The following MYOM1 variants were observed in gnomAD, a reference collection of about 807,000 sequenced individuals.
The protein encoded by MYOM1 is myomesin-1.
In MYOM1, 164 loss-of-function variants were observed where a neutral mutation model predicts 205.3. The observed-to-expected ratio is 0.80, with a 90% CI of 0.70 to 0.91. The LOEUF (loss-of-function observed/expected upper bound fraction) is 0.91, where lower values mean the gene tolerates loss of function less well. Among genes scored for constraint, MYOM1 ranks in the 40% least tolerant of loss-of-function variants. MYOM1 has a pLI of 0.00. For missense variants in MYOM1, 2,011 were observed against 2,127.3 expected (o/e 0.95, Z 1.08); for synonymous variants, 772 against 789.4 (o/e 0.98, Z 0.37).
intron 12 of MYOM1, among the ~76,000 whole-genome samples, chr18:3,151,416 A>G (rs369543949): frequency 2.4e-4 from 36 of 151,500 alleles, no homozygotes; most frequent in African/African-American, 8.7e-4. Flanking sequence ...CAGTTTAACA[A>G]CATAAATGTT....
intron 22 of MYOM1, among the ~76,000 whole-genome samples, chr18:3,111,258 A>G (rs962940759): frequency 2.7e-5 from 4 of 150,764 alleles, no homozygotes; most frequent in Non-Finnish European, 5.9e-5. Flanking sequence ...GCTTTCCTTT[A>G]TGTAACTTTA....
At chr18:3,160,164 C>T (rs1427028776) in intron 10 of MYOM1, among the ~76,000 whole-genome samples, 1 of 149,730 alleles carries the variant, frequency 6.7e-6, no homozygotes, top group Non-Finnish European at 1.5e-5. Context: ...CCCTTCCTTT[C>T]CTTTTCTTCT....
rs998694711 is a variant in MYOM1 at position 3,143,313 on chromosome 18, G to A, written c.1901-1250C>T. ...ATTTCAAGAATGAAGGTAAAATAGA[G>A]GATTTTTTTTACATAACAAAAGATA... On this transcript the variant is annotated intron_variant, in intron 13 of 37. Coordinates refer to ENST00000356443, the MANE Select transcript of MYOM1 (RefSeq NM_003803.4). Among the ~76,000 whole-genome samples the A allele has an allele frequency of 5.3e-5, 8 of 151,878 alleles. No individual in the cohort carries two copies. In the South Asian group the frequency reaches 1.7e-3, roughly 32 times the overall value.
At chr18:3,215,522 G>C (rs191084565) in intron 1 of MYOM1, among the ~76,000 whole-genome samples, 91 of 152,264 alleles carry the variant, frequency 6.0e-4, no homozygotes, top group Non-Finnish European at 1.0e-3. Context: ...AGGATTGCTT[G>C]AGCCCAAGAC....
upstream of MYOM1, among the ~76,000 whole-genome samples, chr18:3,223,947 T>A (rs558221779): frequency 6.6e-6 from 1 of 152,126 alleles, no homozygotes. Flanking sequence ...GAGTGGGGCC[T>A]AGGACTCTTA....
chr18:3,089,151 T>C lies in MYOM1; in HGVS notation c.4137+23A>G. ...TATTTTATTTCCCTTGAATCAAATA[T>C]TAAAAATTTATCTACCTCTTACCTT... On this transcript the variant is annotated intron_variant, in intron 29 of 37. Coordinates refer to ENST00000356443, the MANE Select transcript of MYOM1 (RefSeq NM_003803.4). 1.9e-6 allele frequency: 3 copies of C among 1,555,952 alleles called. No individual in the cohort carries two copies. The South Asian group carries it at 3.5e-5, about 18-fold the overall frequency.
At chr18:3,240,023 T>G in the MYOM1 span, among the ~76,000 whole-genome samples, 10 of 152,182 alleles carry the variant, frequency 6.6e-5, no homozygotes, top group Non-Finnish European at 1.3e-4. Context: ...TATTATGCCC[T>G]TTTACAGATG....
intron 22 of MYOM1, among the ~76,000 whole-genome samples, chr18:3,108,316 A>T (rs1029487872): frequency 2.0e-5 from 3 of 152,214 alleles, no homozygotes; most frequent in Non-Finnish European, 4.4e-5. Flanking sequence ...AAAATATTCT[A>T]GTGGCAGTGG....
chr18:3,137,755 G>T (rs72860231), intron 14 of MYOM1, among the ~76,000 whole-genome samples: 8,142 of 152,186 alleles, frequency 0.054, 308 homozygotes, highest in Non-Finnish European at 0.085. Flanking sequence ...GCACAGTAGG[G>T]TGACTATAGT....
rs769607851 is a variant in MYOM1, at chr18:3,075,760, T to A, written c.4650A>T (p.Ala1550=). ...GGAATTCAGCATAGGCCTCATCGTA[T>A]GCTTTAAAAGAAAAAAGAAAAGTTA... ...HQKTVDLSGQ[A]YDEAYAEFQR... Residue 1550 remains alanine (A), a splice_region_variant and synonymous_variant, in exon 35 of 38, where the codon GCA becomes GCT. Coordinates refer to ENST00000356443, the MANE Select transcript of MYOM1 (RefSeq NM_003803.4). 2 of 1,586,470 alleles carry A rather than the reference T, an allele frequency of 1.3e-6. No individual in the cohort carries two copies. Among genetic ancestry groups the A allele is most frequent in the East Asian group, 4.6e-5 (2 of 43,912 alleles).
Position 3,135,849 on chromosome 18 carries a change from T to C in MYOM1, c.2026-119A>G. ...CCACTCCCTGTAATGCAAGCTGGAC[T>C]GGAGGAGAGATGAGGAGGAAATAGG... On this transcript the variant is annotated intron_variant, in intron 14 of 37. Coordinates refer to ENST00000356443, the MANE Select transcript of MYOM1 (RefSeq NM_003803.4). This position sits in a 1 kb window ranked among gnomAD's most constrained non-coding sequence, Gnocchi z 4.1. The C allele has an allele frequency of 9.2e-7, 1 of 1,083,392 alleles. No homozygotes were observed. The highest frequency in any genetic ancestry group is 1.3e-6 in the Non-Finnish European group (1 of 751,530). 67.1% of individuals were successfully genotyped at this position (1,083,392 alleles called of 1,614,324 possible).
the MYOM1 span, among the ~76,000 whole-genome samples, chr18:3,243,099 G>T: frequency 5.3e-5 from 8 of 152,060 alleles, no homozygotes; most frequent in East Asian, 1.5e-3. Flanking sequence ...TTTTTAAAAA[G>T]CAATTCTTTA....
rs2080880263 is a variant in MYOM1, at chr18:3,189,785, AT to A, written c.432-699del. ...AACATGATTTTGTTTAAAATAAAAG[AT>A]TATGGTTCCTTTCCAGAAAAGCTAT... On this transcript the variant is annotated intron_variant, in intron 3 of 37. Transcript: ENST00000356443. The surrounding 1 kb of genome is among the most constrained non-coding windows in gnomAD (Gnocchi z 4.8). Among the ~76,000 whole-genome samples the A allele has an allele frequency of 6.6e-6, 1 of 152,206 alleles. No individual in the cohort carries two copies. The highest frequency in any genetic ancestry group is 2.4e-5 in the African/African-American group (1 of 41,460).
In MYOM1 at chr18:3,151,740, G is replaced by A. The variant is rs370022510; in HGVS notation, c.1797C>T (p.Ser599=). 1.5e-4 allele frequency: 249 copies of A among 1,613,606 alleles called. No individual in the cohort carries two copies. The highest frequency in any genetic ancestry group is 2.0e-4 in the Non-Finnish European group (231 of 1,179,768). Residue 599 remains serine, a synonymous_variant, in exon 12 of 38, where the codon TCC becomes TCT. Coordinates refer to ENST00000356443, the MANE Select transcript of MYOM1 (RefSeq NM_003803.4). ...KMGIGFPSRV[S]EPVAALDPAE... is the part of the protein sequence containing the mutation. ...CCGGATCCAGAGCAGCCACGGGCTC[G>A]GAAACTCGAGATGGGAAACCTATTC...
At chr18:3,169,583 A>G (rs2080524886) in intron 8 of MYOM1, among the ~76,000 whole-genome samples, 1 of 152,222 alleles carries the variant, frequency 6.6e-6, no homozygotes, top group East Asian at 1.9e-4. Context: ...ATTGAGAGAA[A>G]TGCAAATCAA....
the MYOM1 span, among the ~76,000 whole-genome samples, chr18:3,245,427 G>A: frequency 1.3e-5 from 2 of 152,126 alleles, no homozygotes. Context: ...AACGTGAGAA[G>A]GAGATTATCA....
At chr18:3,068,049 T>C (rs2078918215) in intron 37 of MYOM1, among the ~76,000 whole-genome samples, 1 of 152,140 alleles carries the variant, frequency 6.6e-6, no homozygotes, top group Non-Finnish European at 1.5e-5. Context: ...ACCCTTATTT[T>C]ACTTCTCTCC....
chr18:3,201,455 C>T (rs927555116), intron 2 of MYOM1, among the ~76,000 whole-genome samples: 2 of 151,224 alleles, frequency 1.3e-5, no homozygotes, highest in Non-Finnish European at 2.9e-5. Flanking sequence ...TAAACCCACA[C>T]GAAAAGATGG....
chr18:3,116,476 T>G lies in MYOM1; in HGVS notation c.3158A>C (p.Asp1053Ala), dbSNP rs200545815. 30 of 1,607,982 alleles carry G rather than the reference T, an allele frequency of 1.9e-5. No homozygotes were observed. The highest frequency in any genetic ancestry group is 2.5e-5 in the Non-Finnish European group (29 of 1,176,528). ...CGGCTTCCACTGGAGAACCAGTGAG[T>G]CTTTCCTGACTTCACTACACTTGAG... The part of the protein sequence containing the change: ...HSLKCSEVRK[D>A]SLVLQWKPPV... The change falls in exon 21 of 38, where the codon GAC becomes GCC. Residue 1053 changes from aspartate (D) to alanine (A), a missense_variant. Physicochemically the swap from Asp to Ala is moderately radical, Grantham distance 126. Coordinates refer to ENST00000356443, the MANE Select transcript of MYOM1 (RefSeq NM_003803.4).
Sources: allele counts gnomAD v4.1 joint callset (sites outside exome capture counted in the v4.1 genomes callset), GRCh38; gene constraint gnomAD v4.1.1; non-coding constraint Gnocchi (gnomAD v3.1); transcripts MANE v1.5; gene names NCBI Gene and HGNC (gene_info 2026-07-23, HGNC 2026-07-21).